The following TSPEAR variants were observed in gnomAD, a reference collection of about 807,000 sequenced individuals.
The protein encoded by TSPEAR is thrombospondin-type laminin G domain and EAR repeat-containing protein.
In TSPEAR, 69 loss-of-function variants were observed where a neutral mutation model predicts 71.6. That is an observed-to-expected ratio of 0.96 (90% CI 0.79 to 1.18). TSPEAR has a LOEUF of 1.18. Among genes scored for constraint, TSPEAR ranks in the 50% most tolerant of loss-of-function variants. The pLI, the probability that TSPEAR is intolerant of heterozygous loss-of-function variation, is 0.00. For synonymous variants in TSPEAR, 402 were observed against 387.2 expected, an observed-to-expected ratio of 1.04 and a Z score of -0.45; for missense variants, 971 against 894.9, an observed-to-expected ratio of 1.09 and a Z score of -1.09.
intron 2 of TSPEAR, among the ~76,000 whole-genome samples, chr21:44,534,437 TG>T (rs2053052330): frequency 5.4e-5 from 1 of 18,674 alleles, no homozygotes; most frequent in Non-Finnish European, 1.0e-4. Flanking sequence ...GGGGCAGGGT[TG>T]GTGTGAGGGG....
At chr21:44,618,019 G>A (rs139588429) in intron 1 of TSPEAR, among the ~76,000 whole-genome samples, 170 of 152,304 alleles carry the variant, frequency 1.1e-3, no homozygotes, top group African/African-American at 3.9e-3. Context: ...ATGGTGGAGC[G>A]GGGAACTGTA....
At chr21:44,633,873 T>C (rs1555936147) in intron 1 of TSPEAR, among the ~76,000 whole-genome samples, 1 of 152,200 alleles carries the variant, frequency 6.6e-6, no homozygotes, top group African/African-American at 2.4e-5. Context: ...ATTTCTTTCT[T>C]CTCTTCTTTC....
intron 1 of TSPEAR, among the ~76,000 whole-genome samples, chr21:44,641,264 T>A (rs1401329850): frequency 6.6e-6 from 1 of 152,084 alleles, no homozygotes; most frequent in Non-Finnish European, 1.5e-5. Context: ...AGGCTGTCAC[T>A]CCATGAAACA....
At chr21:44,580,437 A>C in intron 1 of TSPEAR, 1 of 1,613,086 alleles carries the variant, frequency 6.2e-7, no homozygotes, top group Non-Finnish European at 8.5e-7. Flanking sequence ...CAGGGGCTGG[A>C]CACACAGCTC....
chr21:44,647,036 GCTGCAAGACTGTCTA>G (rs2146241016), intron 1 of TSPEAR: 2 of 1,613,298 alleles, frequency 1.2e-6, no homozygotes, highest in East Asian at 4.5e-5. Context: ...GTGCCTGTCT[GCTGCAAGACTGTCTA>G]CTGCAAGCCC....
At chr21:44,558,445 T>C (rs1555920355) in intron 2 of TSPEAR, 6 of 1,613,842 alleles carry the variant, frequency 3.7e-6, no homozygotes, top group Non-Finnish European at 5.1e-6. Flanking sequence ...GGGGAGGATG[T>C]GCAGCAAGCT....
intron 1 of TSPEAR, chr21:44,602,130 G>A (rs587678278): frequency 1.5e-5 from 5 of 331,644 alleles, no homozygotes; most frequent in African/African-American, 4.2e-5. Context: ...CCCTGACCAC[G>A]GGAGCAGGTC....
chr21:44,685,910 C>G (rs1343354175), intron 1 of TSPEAR, among the ~76,000 whole-genome samples: 10 of 152,046 alleles, frequency 6.6e-5, no homozygotes, highest in Middle Eastern at 3.4e-3. Context: ...TGGCAAAGAT[C>G]AATGAGATAA....
At position 44,499,425 on chromosome 21, in the gene TSPEAR, G is replaced by T; in HGVS notation, c.*358C>A. 1 of 241,948 alleles carries T rather than the reference G, an allele frequency of 4.1e-6. No homozygotes were observed. Among genetic ancestry groups the T allele is most frequent in the Non-Finnish European group, 8.1e-6 (1 of 123,720 alleles). The allele number at this position is 241,948 out of a possible 1,614,324, so 15.0% of individuals were successfully genotyped here. ...GACGCACACTGCAGGAGTGGCTGGCGAGAGGCCAGCCGCAGGGACATGAAC... is the reference window on the plus strand; with the variant it reads ...GACGCACACTGCAGGAGTGGCTGGCTAGAGGCCAGCCGCAGGGACATGAAC... On this transcript the variant is annotated 3_prime_UTR_variant, in exon 12 of 12. Coordinates refer to ENST00000323084, the MANE Select transcript of TSPEAR (RefSeq NM_144991.3).
At chr21:44,608,180 T>C (rs1555930158) in intron 1 of TSPEAR, among the ~76,000 whole-genome samples, 1 of 152,188 alleles carries the variant, frequency 6.6e-6, no homozygotes, top group African/African-American at 2.4e-5. Context: ...AAGGTAACTT[T>C]AAATAGGTAC....
At chr21:44,639,869 G>T (rs1983924312) in intron 1 of TSPEAR, among the ~76,000 whole-genome samples, 1 of 152,252 alleles carries the variant, frequency 6.6e-6, no homozygotes, top group Non-Finnish European at 1.5e-5. Flanking sequence ...TCCCCAGGGA[G>T]GATACCTCCT....
At chr21:44,636,298 A>G (rs73907098) in intron 1 of TSPEAR, among the ~76,000 whole-genome samples, 5,094 of 152,156 alleles carry the variant, frequency 0.033, 308 homozygotes, top group African/African-American at 0.12. Context: ...TTCACATCTG[A>G]CCCTCTGACA....
rs1194578132 is a variant in TSPEAR at position 44,612,688 on chromosome 21, TTGCTGCACCACCTCC to T, written c.83-44698_83-44684del. 1.9e-6 allele frequency: 3 copies of T among 1,613,824 alleles called. No individual in the cohort carries two copies. The highest frequency in any genetic ancestry group is 2.5e-6 in the Non-Finnish European group (3 of 1,179,940). ...GCCAGAAGTCTAGCTGCCAGCCGGCTTGCTGCACCACCTCCTGCTGCAGACCCTCCTCCTCCGTGT... is the reference window on the plus strand; with the variant it reads ...GCCAGAAGTCTAGCTGCCAGCCGGCTTGCTGCAGACCCTCCTCCTCCGTGT... On this transcript the variant is annotated intron_variant, in intron 1 of 11. Transcript: ENST00000323084. This position sits in a 1 kb window ranked among gnomAD's most constrained non-coding sequence, Gnocchi z 4.1.
intron 1 of TSPEAR, chr21:44,600,638 T>C (rs782035901): frequency 5.6e-6 from 9 of 1,613,576 alleles, no homozygotes; most frequent in South Asian, 2.2e-5. Flanking sequence ...GCGTCCACTA[T>C]GTCTGTCTGC....
At position 44,504,821 on chromosome 21, in the gene TSPEAR, G is replaced by A. The variant is rs1555911673; in HGVS notation, c.1815C>T (p.Ser605=). ...TCACCGAGAAGGTACGCCCATCGAA[G>A]GAGTTGGCCACCACCAGGAAATAAT... is the stretch of plus-strand genomic sequence containing the variant. ...GEDYFLVVAN[S]FDGRTFSVNS... is the part of the protein sequence containing the mutation. Residue 605 remains serine (S), a synonymous_variant, in exon 11 of 12, where the codon TCC becomes TCT. Coordinates refer to ENST00000323084, the MANE Select transcript of TSPEAR (RefSeq NM_144991.3). The A allele has an allele frequency of 1.1e-5, 18 of 1,613,812 alleles. No homozygotes were observed. Among genetic ancestry groups the A allele is most frequent in the African/African-American group, 2.7e-5 (2 of 74,930 alleles).
At chr21:44,584,556 A>G (rs111918522) in intron 1 of TSPEAR, among the ~76,000 whole-genome samples, 1,859 of 152,334 alleles carry the variant, frequency 0.012, 46 homozygotes, top group African/African-American at 0.042. Flanking sequence ...ACATAGGCAC[A>G]TAGAATCTCT....
In TSPEAR at chr21:44,702,417, G is replaced by A. The variant is rs1987699640; in HGVS notation, c.82+9016C>T. The A allele has an allele frequency of 5.7e-6, 8 of 1,409,968 alleles. No homozygotes were observed. In the South Asian group the frequency reaches 9.9e-5, roughly 17 times the overall value. 87.3% of individuals were successfully genotyped at this position (1,409,968 alleles called of 1,614,324 possible). On this transcript the variant is annotated intron_variant, in intron 1 of 11. Transcript: ENST00000323084. ...CCTGCACGCCCTTGTGCTGCCAGCAGTCTAGCTGCCAGCCAGCTTGCTGCA... is the reference window on the plus strand; with the variant it reads ...CCTGCACGCCCTTGTGCTGCCAGCAATCTAGCTGCCAGCCAGCTTGCTGCA...
intron 1 of TSPEAR, among the ~76,000 whole-genome samples, chr21:44,600,196 C>T (rs1035928492): frequency 3.3e-5 from 5 of 152,148 alleles, no homozygotes; most frequent in Non-Finnish European, 7.4e-5. Context: ...GAAGCCACAG[C>T]CACCCAGACA....
chr21:44,697,489 C>T (rs1468703956), intron 1 of TSPEAR: 9 of 1,613,928 alleles, frequency 5.6e-6, no homozygotes, highest in South Asian at 1.1e-5. Flanking sequence ...CTTGCTGCAC[C>T]TCCTCCCCCT....
Sources: allele counts gnomAD v4.1 joint callset (sites outside exome capture counted in the v4.1 genomes callset), GRCh38; gene constraint gnomAD v4.1.1; non-coding constraint Gnocchi (gnomAD v3.1); transcripts MANE v1.5; gene names NCBI Gene and HGNC (gene_info 2026-07-23, HGNC 2026-07-21).